PSD3: variants seen among roughly 807,000 people sequenced by gnomAD.
The protein encoded by PSD3 is pleckstrin and Sec7 domain containing 3.
In PSD3, 49 loss-of-function variants were observed where a neutral mutation model predicts 105.5. The ratio of observed to expected loss-of-function variants is 0.46; its 90% CI spans 0.37 to 0.59. The LOEUF is 0.59. Among genes scored for constraint, PSD3 ranks in the 20% least tolerant of loss-of-function variants. The probability of loss-of-function intolerance (pLI) is 0.00; values close to 1 mark genes in which losing one functional copy is unlikely to be tolerated. For missense variants in PSD3, 1,561 were observed against 1,263.8 expected (o/e 1.24, Z -3.57); for synonymous variants, 557 against 457.8 (o/e 1.22, Z -2.77).
In PSD3 at chr8:18,533,424, C is replaced by G. The variant is rs978791764; in HGVS notation, c.*2319G>C. ...CGTATCCAATGATCTATTAGCCTAT[C>G]CAGAAGTCCCTGGAGTTAATATTAG... On this transcript the variant is annotated 3_prime_UTR_variant, in exon 16 of 16. Transcript: ENST00000327040. The G allele has an allele frequency of 2.6e-5, 4 of 152,188 alleles. No individual in the cohort carries two copies. Among genetic ancestry groups the G allele is most frequent in the African/African-American group, 9.6e-5 (4 of 41,452 alleles). The allele number at this position is 152,188 out of a possible 1,614,324, so 9.4% of individuals were successfully genotyped here. A position where few individuals can be genotyped will look rare whatever the true frequency, so the allele number is the denominator to read the frequency against.
chr8:18,623,399 G>A (rs548939986), intron 11 of PSD3, among the ~76,000 whole-genome samples: 2 of 132,158 alleles, frequency 1.5e-5, no homozygotes, highest in Admixed American at 1.7e-4. Context: ...ACTGCTTGAG[G>A]CCAAGAGTTC....
chr8:18,852,716 T>C (rs906967042), intron 4 of PSD3, among the ~76,000 whole-genome samples: 3 of 152,196 alleles, frequency 2.0e-5, no homozygotes, highest in African/African-American at 4.8e-5. Flanking sequence ...GAAGCCCTGA[T>C]GTGTTTACAG....
Position 18,595,528 on chromosome 8 carries a change from C to G in PSD3, c.2481+4836G>C, listed in dbSNP as rs577414304. On this transcript the variant is annotated intron_variant, in intron 12 of 15. Coordinates refer to ENST00000327040, the MANE Select transcript of PSD3 (RefSeq NM_015310.4). The stretch of plus-strand genomic sequence containing the variant: ...AAAAAAAAACCCAAGTATAAGCTGT[C>G]TACAAGAGACTCACTTTAGATTTAA... 4.7e-4 allele frequency among the ~76,000 whole-genome samples: 71 copies of G among 150,466 alleles called. 2 individuals are homozygous for G. Among genetic ancestry groups the G allele is most frequent in the African/African-American group, 1.7e-3 (70 of 41,072 alleles).
In PSD3 at chr8:18,804,689, T is replaced by C. The variant is rs755342173; in HGVS notation, c.1829+15A>G. The C allele has an allele frequency of 6.8e-6, 11 of 1,612,762 alleles. No individual in the cohort carries two copies. The Admixed American group carries it at 1.2e-4, about 17-fold the overall frequency. ...CAGGAGAGAATTCAGACTCCAGCAA[T>C]GGGTCAGAACGTACTTCTTGCCAAG... On this transcript the variant is annotated intron_variant, in intron 5 of 15. Coordinates refer to ENST00000327040, the MANE Select transcript of PSD3 (RefSeq NM_015310.4).
At chr8:18,839,452 G>C (rs1814426835) in intron 4 of PSD3, among the ~76,000 whole-genome samples, 1 of 152,144 alleles carries the variant, frequency 6.6e-6, no homozygotes, top group Non-Finnish European at 1.5e-5. Context: ...TGCGACATGA[G>C]AACACCTCCC....
intron 15 of PSD3, among the ~76,000 whole-genome samples, chr8:18,538,046 A>G (rs1390013122): frequency 6.6e-6 from 1 of 152,220 alleles, no homozygotes; most frequent in African/African-American, 2.4e-5. Context: ...TGACATGGGC[A>G]GTAGGTATGA....
chr8:18,973,245 C>G (rs2129472166), intron 1 of PSD3, among the ~76,000 whole-genome samples: 1 of 152,232 alleles, frequency 6.6e-6, no homozygotes, highest in East Asian at 1.9e-4. Context: ...AAAACCCCCT[C>G]AAGATGGGGA....
At chr8:18,568,450 G>A (rs538940548) in intron 14 of PSD3, among the ~76,000 whole-genome samples, 2 of 151,796 alleles carry the variant, frequency 1.3e-5, no homozygotes, top group African/African-American at 4.8e-5. Flanking sequence ...AGAAGCAAGG[G>A]GGGAAATCAA....
chr8:18,950,532 G>A (rs116820253), intron 1 of PSD3, among the ~76,000 whole-genome samples: 2 of 151,968 alleles, frequency 1.3e-5, no homozygotes, highest in African/African-American at 2.4e-5. Flanking sequence ...ATCATCTCCC[G>A]ATTTCCCCTA....
chr8:18,607,756 T>A (rs1804958931), intron 11 of PSD3, among the ~76,000 whole-genome samples: 2 of 146,980 alleles, frequency 1.4e-5, no homozygotes, highest in Non-Finnish European at 3.0e-5. Context: ...CTAATAAAGA[T>A]GTACCTATGA....
chr8:18,793,457 G>A (rs1039637581), intron 8 of PSD3, among the ~76,000 whole-genome samples: 3 of 149,918 alleles, frequency 2.0e-5, no homozygotes, highest in Non-Finnish European at 2.9e-5. Context: ...TAACAAACCT[G>A]CACATCCTGC....
chr8:18,595,566 C>A (rs1222338582), intron 12 of PSD3, among the ~76,000 whole-genome samples: 1 of 151,244 alleles, frequency 6.6e-6, no homozygotes, highest in East Asian at 1.9e-4. Flanking sequence ...ACACACACAC[C>A]TGAACATGAA....
chr8:18,910,627 T>C (rs1203892912), intron 2 of PSD3, among the ~76,000 whole-genome samples: 12 of 101,182 alleles, frequency 1.2e-4, no homozygotes, highest in East Asian at 8.0e-4. Flanking sequence ...CCCTAAAACT[T>C]AGAGTATAAT....
intron 4 of PSD3, among the ~76,000 whole-genome samples, chr8:18,847,652 C>G (rs1016837563): frequency 2.0e-5 from 3 of 152,180 alleles, no homozygotes; most frequent in African/African-American, 7.2e-5. Context: ...TTAACCAAAT[C>G]TAATTTTTCA....
intron 1 of PSD3, among the ~76,000 whole-genome samples, chr8:18,985,649 G>T (rs114998342): frequency 0.018 from 2,721 of 152,198 alleles, 94 homozygotes; most frequent in African/African-American, 0.063. Context: ...AGCTTTTTCA[G>T]TTAAACATAC....
intron 8 of PSD3, among the ~76,000 whole-genome samples, chr8:18,787,199 A>C (rs1238903901): frequency 6.6e-5 from 10 of 152,210 alleles, no homozygotes; most frequent in African/African-American, 2.4e-4. Flanking sequence ...GTTTTGGATA[A>C]CTTTGCATAA....
At chr8:18,698,600 C>T (rs957599021) in intron 9 of PSD3, among the ~76,000 whole-genome samples, 1 of 152,098 alleles carries the variant, frequency 6.6e-6, no homozygotes, top group Non-Finnish European at 1.5e-5. Context: ...AGAAGGAATA[C>T]AGCCCTGCCA....
chr8:18,838,725 C>G (rs1418178261), intron 4 of PSD3, among the ~76,000 whole-genome samples: 5 of 151,166 alleles, frequency 3.3e-5, no homozygotes, highest in African/African-American at 1.2e-4. Context: ...TGGCGTGAAC[C>G]CGGGAGGCAG....
chr8:18,592,534 T>C (rs1803687820), intron 12 of PSD3, among the ~76,000 whole-genome samples: 1 of 152,094 alleles, frequency 6.6e-6, no homozygotes, highest in African/African-American at 2.4e-5. Flanking sequence ...TTAATGGAAA[T>C]AAATTACACT....
Sources: allele counts gnomAD v4.1 joint callset (sites outside exome capture counted in the v4.1 genomes callset), GRCh38; gene constraint gnomAD v4.1.1; transcripts MANE v1.5; gene names NCBI Gene and HGNC (gene_info 2026-07-23, HGNC 2026-07-21).